The following IL3RA variants were observed in gnomAD, a reference collection of about 807,000 sequenced individuals.
IL3RA encodes the protein interleukin 3 receptor subunit alpha, also known as interleukin-3 receptor subunit alpha.
In IL3RA, 73 loss-of-function variants were observed where a neutral mutation model predicts 52.3. The observed-to-expected ratio is 1.40, with a 90% CI of 1.16 to 1.70. The LOEUF (loss-of-function observed/expected upper bound fraction) is 1.70. Ranked by LOEUF, IL3RA falls within the 40% of genes most tolerant of loss-of-function variation. The pLI is 0.00. For synonymous variants in IL3RA, 260 were observed against 194.0 expected, an observed-to-expected ratio of 1.34 and a Z score of -2.83; for missense variants, 664 against 504.4, an observed-to-expected ratio of 1.32 and a Z score of -3.03.
Position 1,377,249 on chromosome X carries a change from C to T in IL3RA, c.875-1410C>T, listed in dbSNP as rs1157139506. On this transcript the variant is annotated intron_variant, in intron 9 of 11. Transcript: ENST00000331035. ...TTTCTTTTTCTTTTTTCTTTTTTTTCCTCTTTTTCTGAGATGGAGTCTCAC... is the reference window on the plus strand; with the variant it reads ...TTTCTTTTTCTTTTTTCTTTTTTTTTCTCTTTTTCTGAGATGGAGTCTCAC... Among the ~76,000 whole-genome samples, 3 of 151,458 alleles carry T rather than the reference C, an allele frequency of 2.0e-5. No individual in the cohort carries two copies. The East Asian group carries it at 5.8e-4, about 29-fold the overall frequency.
intron 11 of IL3RA, among the ~76,000 whole-genome samples, chrX:1,381,922 CAG>C (rs2089193918): frequency 6.7e-6 from 1 of 149,904 alleles, no homozygotes; most frequent in Admixed American, 6.7e-5. Flanking sequence ...ACATCTCTGT[CAG>C]AGTTTTTTGT....
intron 9 of IL3RA, among the ~76,000 whole-genome samples, chrX:1,377,744 T>C (rs140520275): frequency 0.02 from 3,046 of 148,870 alleles, 92 homozygotes; most frequent in African/African-American, 0.07. Flanking sequence ...CGGCTCACTG[T>C]AGCCTCGACC....
intron 2 of IL3RA, 35 bp from the exon 3 acceptor site, chrX:1,345,281 G>A (rs201957070): frequency 5.3e-5 from 75 of 1,420,304 alleles, no homozygotes; most frequent in Admixed American, 2.0e-4. Context: ...AGATTCTTAC[G>A]TATCTCTTCG....
At chrX:1,347,592 C>T (rs1432457183) in intron 3 of IL3RA, among the ~76,000 whole-genome samples, 1 of 151,210 alleles carries the variant, frequency 6.6e-6, no homozygotes, top group Non-Finnish European at 1.5e-5. Flanking sequence ...GAAGTCTAGC[C>T]TGGGCAAGCG....
At chrX:1,381,946 TTG>T (rs1404190595) in intron 11 of IL3RA, among the ~76,000 whole-genome samples, 13 of 109,184 alleles carry the variant, frequency 1.2e-4, no homozygotes, top group Non-Finnish European at 2.4e-4. Context: ...TTGTTTTGTT[TTG>T]TTTGTTTTTG....
At chrX:1,364,869 T>A (rs1362984793) in intron 8 of IL3RA, among the ~76,000 whole-genome samples, 5 of 151,918 alleles carry the variant, frequency 3.3e-5, no homozygotes, top group Non-Finnish European at 7.4e-5. Flanking sequence ...AGTGCAGTGG[T>A]GCCATCTCGC....
intron 4 of IL3RA, 43 bp from the exon 5 acceptor site, chrX:1,352,056 CG>C: frequency 6.2e-7 from 1 of 1,604,540 alleles, no homozygotes; most frequent in Non-Finnish European, 8.5e-7. Context: ...TGAGCCACCG[CG>C]CCCGGTCCCG....
At chrX:1,355,567 C>G (rs189575929) in intron 6 of IL3RA, among the ~76,000 whole-genome samples, 1,812 of 148,626 alleles carry the variant, frequency 0.012, 47 homozygotes, top group African/African-American at 0.042. Context: ...GTAGTCGGGT[C>G]ACACCTGAGG....
At chrX:1,368,003 C>T (rs1405769709) in intron 9 of IL3RA, among the ~76,000 whole-genome samples, 1 of 152,004 alleles carries the variant, frequency 6.6e-6, no homozygotes, top group African/African-American at 2.4e-5. Flanking sequence ...GACAGACACC[C>T]CCTGGGCCTT....
chrX:1,365,161 G>A lies in IL3RA; in HGVS notation c.783G>A (p.Gln261=), dbSNP rs766544886. 9.9e-6 allele frequency: 16 copies of A among 1,610,452 alleles called. No homozygotes were observed. The Admixed American group carries it at 2.3e-4, about 24-fold the overall frequency. Reference sequence around the variant, plus strand: ...AGGTCAGAGACAGAACCTCCTTCCAGCTACTCAATCCTGGAACGTACACAG... The same window carrying A: ...AGGTCAGAGACAGAACCTCCTTCCAACTACTCAATCCTGGAACGTACACAG... ...TEQVRDRTSF[Q]LLNPGTYTVQ... The change falls in exon 9 of 12, where the codon CAG becomes CAA. Residue 261 remains glutamine, a synonymous_variant. Coordinates refer to ENST00000331035, the MANE Select transcript of IL3RA (RefSeq NM_002183.4).
At chrX:1,381,405 G>A (rs1284654903) in intron 11 of IL3RA, among the ~76,000 whole-genome samples, 4 of 152,110 alleles carry the variant, frequency 2.6e-5, no homozygotes, top group African/African-American at 9.7e-5. Context: ...GGACTAGGAG[G>A]CTGGACACCT....
chrX:1,359,477 CTT>C (rs1319265444), intron 8 of IL3RA, among the ~76,000 whole-genome samples: 6 of 151,264 alleles, frequency 4.0e-5, no homozygotes, highest in African/African-American at 9.7e-5. Context: ...CCCTCCCTCT[CTT>C]TCTCTCTCTC....
At position 1,348,644 on chromosome X, in the gene IL3RA, C is replaced by CCCTT. The variant is rs1556618955; in HGVS notation, c.298+99_298+100insCCTT. The CCCTT allele has an allele frequency of 1.0e-5, 5 of 496,828 alleles. No homozygotes were observed. In the Admixed American group the frequency reaches 1.8e-4, roughly 18 times the overall value. 30.8% of individuals were successfully genotyped at this position (496,828 alleles called of 1,614,324 possible). A position where few individuals can be genotyped will look rare whatever the true frequency, so the allele number is the denominator to read the frequency against. On this transcript the variant is annotated intron_variant, in intron 4 of 11. Coordinates refer to ENST00000331035, the MANE Select transcript of IL3RA (RefSeq NM_002183.4). ...GCTGTGTCTTTTTTCTTTTCTTTTT[C>CCCTT]TCTTTCTTTCTTTCTTTCTTTCTTT...
In IL3RA at chrX:1,348,503, G is replaced by A. The variant is rs1442132821; in HGVS notation, c.256G>A (p.Ala86Thr). 3 of 1,613,818 alleles carry A rather than the reference G, an allele frequency of 1.9e-6. No individual in the cohort carries two copies. Among genetic ancestry groups the A allele is most frequent in the East Asian group, 2.2e-5 (1 of 44,878 alleles). ...CEVTNYTVRV[A>T]NPPFSTWILF... ...AGTGACCAACTACACCGTCCGAGTG[G>A]CCAACCCACCATTCTCCACGTGGAT... The change falls in exon 4 of 12, where the codon GCC (alanine) becomes ACC (threonine). Residue 86 changes from alanine (A) to threonine (T), a missense_variant. Transcript: ENST00000331035.
intron 2 of IL3RA, among the ~76,000 whole-genome samples, chrX:1,342,948 G>A (rs1276280837): frequency 1.4e-4 from 21 of 151,788 alleles, no homozygotes; most frequent in African/African-American, 3.4e-4. Context: ...GGTGGCGGGC[G>A]CCTGTAATCC....
chrX:1,370,758 A>C (rs1217521242), intron 9 of IL3RA, among the ~76,000 whole-genome samples: 1 of 66,712 alleles, frequency 1.5e-5, no homozygotes, highest in Non-Finnish European at 2.7e-5. Context: ...CCATCTCATA[A>C]GAAGAGACGA....
chrX:1,380,562 AGGCGAG>A, intron 10 of IL3RA, among the ~76,000 whole-genome samples: 1 of 18,282 alleles, frequency 5.5e-5, no homozygotes, highest in Admixed American at 4.6e-4. Flanking sequence ...GGGGGAGGAG[AGGCGAG>A]GGGGAGGGTG....
chrX:1,378,868 A>T, intron 10 of IL3RA, 104 bp downstream of exon 10: 1 of 1,087,504 alleles, frequency 9.2e-7, no homozygotes, highest in African/African-American at 1.5e-5. Flanking sequence ...TTTGTGATGG[A>T]GTCTCGCTCT....
At position 1,356,253 on chromosome X, in the gene IL3RA, T is replaced by G; in HGVS notation, c.649T>G (p.Cys217Gly). ...AACTCCACCCAACATGACTGCAAAG[T>G]GTAATAAGACACATTCCTTTATGCA... ...ILTPPNMTAK[C>G]NKTHSFMHWK... Residue 217 changes from cysteine (C) to glycine (G), a missense_variant, in exon 7 of 12, where the codon TGT (cysteine) becomes GGT (glycine). Physicochemically the swap from Cys to Gly is radical, Grantham distance 159. Coordinates refer to ENST00000331035, the MANE Select transcript of IL3RA (RefSeq NM_002183.4). 6.2e-7 allele frequency: 1 copy of G among 1,613,438 alleles called. No homozygotes were observed. The highest frequency in any genetic ancestry group is 8.5e-7 in the Non-Finnish European group (1 of 1,179,524).
Sources: gnomAD v4.1 joint callset for allele counts (sites outside exome capture counted in the v4.1 genomes callset) on GRCh38, gnomAD v4.1.1 for gene constraint, MANE v1.5 for transcripts, NCBI Gene and HGNC (gene_info 2026-07-23, HGNC 2026-07-21) for gene names.